Variants in TEX22 observed in about 807,000 individuals in gnomAD.
The protein encoded by TEX22 is testis expressed 22, also known as testis-expressed protein 22.
TEX22 carries 16 observed loss-of-function variants against 11.3 expected under a neutral mutation model. The observed-to-expected ratio is 1.42, with a 90% CI of 0.96 to 2.15. TEX22 has a LOEUF of 2.15. TEX22 is among the 30% of genes most tolerant of loss of function. The pLI is 0.00. For synonymous variants in TEX22, 97 were observed against 92.3 expected, an observed-to-expected ratio of 1.05 and a Z score of -0.29; for missense variants, 220 against 208.6, an observed-to-expected ratio of 1.05 and a Z score of -0.34.
intron 2 of TEX22, 35 bp from the exon 3 acceptor site, chr14:105,411,333 C>G: frequency 7.9e-7 from 1 of 1,272,734 alleles, no homozygotes; most frequent in Non-Finnish European, 9.9e-7. Flanking sequence ...GAGCTGGCGC[C>G]GAGGCCCTCG....
intron 2 of TEX22, among the ~76,000 whole-genome samples, chr14:105,405,822 T>G (rs1184486487): frequency 1.3e-5 from 2 of 152,232 alleles, no homozygotes; most frequent in Non-Finnish European, 2.9e-5. Flanking sequence ...TAAAGATGTT[T>G]TAAAATGTTT....
chr14:105,411,532 G>GT, intron 3 of TEX22, 36 bp downstream of exon 3: 1 of 279,052 alleles, frequency 3.6e-6, no homozygotes, highest in Middle Eastern at 1.7e-3. Context: ...CCCCGTCCCC[G>GT]CCCCGCCCCG....
intron 2 of TEX22, among the ~76,000 whole-genome samples, chr14:105,406,150 A>T (rs2081657531): frequency 6.6e-6 from 1 of 152,206 alleles, no homozygotes; most frequent in Non-Finnish European, 1.5e-5. Flanking sequence ...AACCCAAACC[A>T]TGTGAGCACT....
At chr14:105,404,021 A>C (rs2081646158) in intron 2 of TEX22, among the ~76,000 whole-genome samples, 1 of 152,246 alleles carries the variant, frequency 6.6e-6, no homozygotes, top group Non-Finnish European at 1.5e-5. Flanking sequence ...TTAGCAACTT[A>C]AAACAGTAAG....
In TEX22 at chr14:105,399,159, G is replaced by T. The variant is rs1278355219; in HGVS notation, c.-39-143G>T. The T allele has an allele frequency of 2.3e-5, 14 of 597,662 alleles. 1 individual carries two copies. The highest frequency in any genetic ancestry group is 2.2e-4 in the South Asian group (11 of 50,370). The allele number at this position is 597,662 out of a possible 1,614,324, so 37.0% of individuals were successfully genotyped here. On this transcript the variant is annotated intron_variant, in intron 1 of 3. Transcript: ENST00000451127. Reference sequence around the variant, plus strand: ...TGGGGGATCCACTCCACCCAGAGGGGTCAGTGATGCCTGACCTTTGGCTGG... The same window carrying T: ...TGGGGGATCCACTCCACCCAGAGGGTTCAGTGATGCCTGACCTTTGGCTGG...
intron 2 of TEX22, among the ~76,000 whole-genome samples, chr14:105,411,157 T>C (rs2081687660): frequency 6.6e-6 from 1 of 151,948 alleles, no homozygotes; most frequent in African/African-American, 2.4e-5. Flanking sequence ...GGTTGGGCGG[T>C]GTCCTGGCAC....
intron 2 of TEX22, among the ~76,000 whole-genome samples, chr14:105,402,437 A>G (rs1820726095): frequency 6.6e-6 from 1 of 152,126 alleles, no homozygotes; most frequent in Non-Finnish European, 1.5e-5. Context: ...ACTTAGCAAC[A>G]GGAACTATGA....
intron 2 of TEX22, among the ~76,000 whole-genome samples, chr14:105,404,281 G>C (rs143530520): frequency 2.6e-5 from 4 of 152,232 alleles, no homozygotes; most frequent in African/African-American, 9.6e-5. Flanking sequence ...AGTATCCTCA[G>C]TATGGGGGCT....
At chr14:105,405,572 G>A (rs1254273784) in intron 2 of TEX22, among the ~76,000 whole-genome samples, 1 of 152,180 alleles carries the variant, frequency 6.6e-6, no homozygotes, top group Non-Finnish European at 1.5e-5. Context: ...CCAAACGGCC[G>A]TGCATCAGTT....
At chr14:105,411,250 C>A in intron 2 of TEX22, 118 bp from the exon 3 acceptor site, 1 of 1,117,934 alleles carries the variant, frequency 8.9e-7, no homozygotes, top group South Asian at 3.7e-5. Flanking sequence ...GGAGGCTGAG[C>A]AGACGGCGCT....
chr14:105,401,377 C>G (rs968263950), intron 2 of TEX22, among the ~76,000 whole-genome samples: 2 of 151,960 alleles, frequency 1.3e-5, no homozygotes, highest in Non-Finnish European at 2.9e-5. Context: ...AGTATCTTTC[C>G]TTAAGAACAA....
intron 2 of TEX22, among the ~76,000 whole-genome samples, chr14:105,405,086 T>A (rs2081651582): frequency 6.6e-6 from 1 of 151,978 alleles, no homozygotes. Flanking sequence ...GAGGATTGCT[T>A]GAGCTCAGCC....
chr14:105,404,250 A>C (rs1555418696), intron 2 of TEX22, among the ~76,000 whole-genome samples: 1 of 152,126 alleles, frequency 6.6e-6, no homozygotes, highest in African/African-American at 2.4e-5. Context: ...TACCACGTGG[A>C]TCTCCCCATA....
chr14:105,404,407 G>T (rs1262441641), intron 2 of TEX22, among the ~76,000 whole-genome samples: 1 of 152,194 alleles, frequency 6.6e-6, no homozygotes, highest in Non-Finnish European at 1.5e-5. Flanking sequence ...TGGATACACT[G>T]GTCATCCTAT....
chr14:105,407,301 C>G (rs2081663488), intron 2 of TEX22, among the ~76,000 whole-genome samples: 1 of 151,080 alleles, frequency 6.6e-6, no homozygotes, highest in East Asian at 1.9e-4. Context: ...CTCCTGAGCT[C>G]AGGCCATTCA....
At chr14:105,404,886 G>C (rs905289759) in intron 2 of TEX22, among the ~76,000 whole-genome samples, 2 of 152,176 alleles carry the variant, frequency 1.3e-5, no homozygotes, top group African/African-American at 2.4e-5. Context: ...AACTGAAACT[G>C]ACAGTCACTG....
At chr14:105,401,928 G>T (rs2081629184) in intron 2 of TEX22, among the ~76,000 whole-genome samples, 1 of 152,196 alleles carries the variant, frequency 6.6e-6, no homozygotes, top group Non-Finnish European at 1.5e-5. Context: ...GCTCATGCCT[G>T]TAATCCCAAC....
At chr14:105,399,635 T>G (rs2081613258) in intron 2 of TEX22, 145 bp downstream of exon 2, 1 of 946,766 alleles carries the variant, frequency 1.1e-6, no homozygotes, top group Non-Finnish European at 1.5e-6. Context: ...ATGGCTGGAC[T>G]CAGGAGGCTC....
intron 2 of TEX22, among the ~76,000 whole-genome samples, chr14:105,403,338 G>A (rs1293815682): frequency 6.6e-6 from 1 of 152,154 alleles, no homozygotes; most frequent in African/African-American, 2.4e-5. Context: ...CTATGAGTTT[G>A]TCCTTGTAGG....
Sources: gnomAD v4.1 joint callset for allele counts (sites outside exome capture counted in the v4.1 genomes callset) on GRCh38, gnomAD v4.1.1 for gene constraint, MANE v1.5 for transcripts, NCBI Gene and HGNC (gene_info 2026-07-23, HGNC 2026-07-21) for gene names.